TMEM245: variants seen among roughly 807,000 people sequenced by gnomAD.
TMEM245 encodes the protein transmembrane protein 245, also known as protein CG-2.
Under a neutral mutation model 101.2 loss-of-function variants are expected in TMEM245, and 69 were observed. The ratio of observed to expected loss-of-function variants is 0.68; its 90% CI spans 0.56 to 0.83. The LOEUF (loss-of-function observed/expected upper bound fraction) is 0.83. Among genes scored for constraint, TMEM245 ranks in the 40% least tolerant of loss-of-function variants. The pLI is 0.00. For synonymous variants in TMEM245, 537 were observed against 449.8 expected (o/e 1.19, Z -2.45); for missense variants, 1,075 against 1,092.8 (o/e 0.98, Z 0.23).
In TMEM245 at chr9:109,050,433, A is replaced by G; in HGVS notation, c.1978-5T>C. ...TAGTGTGGTCAGGAAAATTATCTGC[A>G]AAACAAAGGACAACATCTCCTAAAA... On this transcript the variant is annotated splice_polypyrimidine_tract_variant and splice_region_variant and intron_variant, in intron 13 of 17. Coordinates refer to ENST00000374586, the MANE Select transcript of TMEM245 (RefSeq NM_032012.4). The G allele has an allele frequency of 6.2e-7, 1 of 1,613,924 alleles. No homozygotes were observed. The highest frequency in any genetic ancestry group is 1.1e-5 in the South Asian group (1 of 91,064).
At chr9:109,032,574 G>A in intron 17 of TMEM245, among the ~76,000 whole-genome samples, 1 of 150,036 alleles carries the variant, frequency 6.7e-6, no homozygotes. Flanking sequence ...TTTTAGTAGA[G>A]ATGGGGTTTT....
At chr9:109,068,009 T>TC (rs1829219067) in intron 9 of TMEM245, among the ~76,000 whole-genome samples, 1 of 151,978 alleles carries the variant, frequency 6.6e-6, no homozygotes, top group Non-Finnish European at 1.5e-5. Context: ...TCCAATCCCA[T>TC]CCCCACCTAT....
chr9:109,026,205 C>T (rs2132283564), intron 17 of TMEM245, among the ~76,000 whole-genome samples: 1 of 152,164 alleles, frequency 6.6e-6, no homozygotes, highest in Middle Eastern at 3.4e-3. Flanking sequence ...TTAAAATAGA[C>T]TTGGTCCTGG....
chr9:109,030,367 C>T (rs886811236), intron 17 of TMEM245, among the ~76,000 whole-genome samples: 7 of 152,096 alleles, frequency 4.6e-5, no homozygotes, highest in South Asian at 4.1e-4. Context: ...TACTCTGCCA[C>T]GCCACATAAG....
At chr9:109,113,864 G>A (rs1172400264) in intron 1 of TMEM245, among the ~76,000 whole-genome samples, 1 of 152,076 alleles carries the variant, frequency 6.6e-6, no homozygotes, top group Non-Finnish European at 1.5e-5. Flanking sequence ...CCAAGGCAGG[G>A]GAATCACCTG....
At chr9:109,039,834 T>G (rs184236569) in intron 14 of TMEM245, among the ~76,000 whole-genome samples, 1 of 151,174 alleles carries the variant, frequency 6.6e-6, no homozygotes, top group Admixed American at 6.6e-5. Context: ...AATGACATAA[T>G]CGACCACAGA....
intron 1 of TMEM245, among the ~76,000 whole-genome samples, chr9:109,112,738 A>C (rs909711928): frequency 3.9e-5 from 6 of 152,174 alleles, no homozygotes; most frequent in Non-Finnish European, 8.8e-5. Flanking sequence ...CCTTTACATC[A>C]AGCAGTTAAT....
At chr9:109,066,478 AT>A (rs1554722985) in intron 9 of TMEM245, among the ~76,000 whole-genome samples, 5 of 147,646 alleles carry the variant, frequency 3.4e-5, no homozygotes, top group South Asian at 2.2e-4. Context: ...AAAAAAAAAA[AT>A]TTCTCAGCAA....
intron 11 of TMEM245, among the ~76,000 whole-genome samples, chr9:109,058,566 T>C (rs1293435243): frequency 6.6e-6 from 1 of 152,128 alleles, no homozygotes; most frequent in Non-Finnish European, 1.5e-5. Flanking sequence ...ATCCTATCTT[T>C]ATAAAAATTT....
chr9:109,051,369 C>A (rs960374394), intron 12 of TMEM245, among the ~76,000 whole-genome samples: 1 of 149,964 alleles, frequency 6.7e-6, no homozygotes, highest in African/African-American at 2.5e-5. Context: ...AAATCGCAAG[C>A]AGAGAAAAAA....
At chr9:109,060,544 G>T in intron 10 of TMEM245, 92 bp from the exon 11 acceptor site, 3 of 853,682 alleles carry the variant, frequency 3.5e-6, no homozygotes, top group East Asian at 2.6e-5. Flanking sequence ...TTGTTCCAAA[G>T]CAAACAAAAA....
intron 17 of TMEM245, among the ~76,000 whole-genome samples, chr9:109,020,893 C>T (rs1159995076): frequency 6.6e-6 from 1 of 152,208 alleles, no homozygotes; most frequent in Non-Finnish European, 1.5e-5. Flanking sequence ...GGAAAAACCA[C>T]TAAGAGACCA....
chr9:109,080,865 G>C lies in TMEM245; in HGVS notation c.1423C>G (p.Leu475Val), dbSNP rs746935664. Residue 475 changes from leucine (L) to valine (V), a missense_variant, in exon 8 of 18, where the codon CTT (leucine) becomes GTT (valine). Coordinates refer to ENST00000374586, the MANE Select transcript of TMEM245 (RefSeq NM_032012.4). ...IIFLLVIGTL[L>V]LALLLTAKVH... ...TTTGCAGTCAGGAGTAGGGCTAAAA[G>C]AAGAGTTCCTATCACTAACAAAAAT... 1.9e-6 allele frequency: 3 copies of C among 1,604,738 alleles called. No homozygotes were observed. The Admixed American group carries it at 5.0e-5, about 27-fold the overall frequency.
rs556773207 is a variant in TMEM245, at chr9:109,055,279, G to C, written c.1854+1912C>G. Among the ~76,000 whole-genome samples the C allele has an allele frequency of 1.4e-4, 21 of 152,318 alleles. No homozygotes were observed. The South Asian group carries it at 3.7e-3, about 27-fold the overall frequency. On this transcript the variant is annotated intron_variant, in intron 12 of 17. Coordinates refer to ENST00000374586, the MANE Select transcript of TMEM245 (RefSeq NM_032012.4). The stretch of plus-strand genomic sequence containing the variant: ...AAGCAAACATTCAAAGGTATTATTA[G>C]ATGATACACTATTTTGTGTATGCAC...
At chr9:109,067,906 T>C (rs1260238067) in intron 9 of TMEM245, among the ~76,000 whole-genome samples, 1 of 152,134 alleles carries the variant, frequency 6.6e-6, no homozygotes, top group Non-Finnish European at 1.5e-5. Flanking sequence ...ATGAATCCCC[T>C]ACAAGGTCAA....
intron 15 of TMEM245, 139 bp downstream of exon 15, chr9:109,037,878 C>G (rs1828181887): frequency 1.7e-6 from 1 of 572,722 alleles, no homozygotes; most frequent in African/African-American, 1.9e-5. Flanking sequence ...TATTTCTGTT[C>G]CTAATGTGGA....
At position 109,106,515 on chromosome 9, in the gene TMEM245, C is replaced by T. The variant is rs904804943; in HGVS notation, c.792G>A (p.Glu264=). ...GAATGCCCTATTTCTTACCAGAAGA[C>T]TCTTTTCCATTCTGTTTTTCATAGA... ...GTLYEKQNGK[E]SSGAELPGQV... is the part of the protein sequence containing the mutation. The change falls in exon 3 of 18, where the codon GAG becomes GAA. Residue 264 remains glutamate (E), a synonymous_variant. Transcript: ENST00000374586. 2.1e-5 allele frequency: 33 copies of T among 1,606,368 alleles called. No homozygotes were observed. The highest frequency in any genetic ancestry group is 2.6e-5 in the Non-Finnish European group (31 of 1,175,074).
chr9:109,073,962 G>C (rs1829418185), intron 8 of TMEM245, among the ~76,000 whole-genome samples: 1 of 147,734 alleles, frequency 6.8e-6, no homozygotes, highest in Non-Finnish European at 1.5e-5. Flanking sequence ...CCACGTTCAA[G>C]CGATTCTCGT....
chr9:109,060,949 C>T (rs748970265), intron 10 of TMEM245, among the ~76,000 whole-genome samples: 3 of 152,034 alleles, frequency 2.0e-5, no homozygotes, highest in African/African-American at 7.2e-5. Context: ...AGACTGGCCC[C>T]GGGTTTGTGG....
Sources: gnomAD v4.1 joint callset for allele counts (sites outside exome capture counted in the v4.1 genomes callset) on GRCh38, gnomAD v4.1.1 for gene constraint, MANE v1.5 for transcripts, NCBI Gene and HGNC (gene_info 2026-07-23, HGNC 2026-07-21) for gene names.